Variants in METTL21A observed in about 807,000 individuals in gnomAD.
METTL21A encodes the protein protein N-lysine methyltransferase METTL21A.
Under a neutral mutation model 20.9 loss-of-function variants are expected in METTL21A, and 22 were observed. The observed-to-expected ratio is 1.05, with a 90% CI of 0.75 to 1.50. METTL21A has a LOEUF of 1.50. METTL21A is among the 40% of genes most tolerant of loss of function. METTL21A has a pLI of 0.00. For missense variants in METTL21A, 271 were observed against 266.8 expected, an observed-to-expected ratio of 1.02 and a Z score of -0.11; for synonymous variants, 93 against 102.0, an observed-to-expected ratio of 0.91 and a Z score of 0.53.
chr2:207,619,586 C>T (rs1000512868), intron 3 of METTL21A, among the ~76,000 whole-genome samples: 9 of 151,846 alleles, frequency 5.9e-5, no homozygotes, highest in South Asian at 2.1e-4. Context: ...TGTGTGTATA[C>T]GGATACACAA....
At position 207,593,827 on chromosome 2, in the gene METTL21A, T is replaced by G. The variant is rs555598715; in HGVS notation, c.260-11667A>C. Among the ~76,000 whole-genome samples the G allele has an allele frequency of 2.6e-5, 4 of 151,938 alleles. No individual in the cohort carries two copies. The East Asian group carries it at 5.8e-4, about 22-fold the overall frequency. On this transcript the variant is annotated intron_variant, in intron 3 of 3. Transcript: ENST00000425132. Reference sequence around the variant, plus strand: ...TCTGCCTCCTGGGTTCAAGCGATTTTCCTACCTCAGCCTCCCAAGTAGCTG... The same window carrying G: ...TCTGCCTCCTGGGTTCAAGCGATTTGCCTACCTCAGCCTCCCAAGTAGCTG...
chr2:207,602,698 A>G (rs1327240340), intron 3 of METTL21A: 2 of 210,456 alleles, frequency 9.5e-6, no homozygotes, highest in East Asian at 1.4e-4. Flanking sequence ...AATGCTTTAT[A>G]GATGTATTTT....
At chr2:207,607,424 G>A (rs915233484), downstream of METTL21A, among the ~76,000 whole-genome samples, 3 of 150,616 alleles carry the variant, frequency 2.0e-5, no homozygotes, top group Non-Finnish European at 3.0e-5. Flanking sequence ...GAAAGAAAAC[G>A]ATATATGGAT....
At chr2:207,585,126 C>T (rs574055784) in intron 3 of METTL21A, among the ~76,000 whole-genome samples, 3 of 152,264 alleles carry the variant, frequency 2.0e-5, no homozygotes, top group Non-Finnish European at 2.9e-5. Flanking sequence ...AAGGCCAGCT[C>T]GCTCTCACTA....
At chr2:207,584,291 C>T (rs1243456084) in intron 3 of METTL21A, among the ~76,000 whole-genome samples, 1 of 152,168 alleles carries the variant, frequency 6.6e-6, no homozygotes, top group Non-Finnish European at 1.5e-5. Flanking sequence ...TATGAGAGTT[C>T]AGTTGCTTTG....
exon 3 of METTL21A, chr2:207,621,815 C>T: frequency 6.2e-7 from 1 of 1,614,076 alleles, no homozygotes; most frequent in Non-Finnish European, 8.5e-7. Flanking sequence ...CCCAGCAGGG[C>T]AGCCACTATG....
downstream of METTL21A, chr2:207,610,805 C>T (rs1195257163): frequency 1.3e-4 from 4 of 30,924 alleles, no homozygotes; most frequent in African/African-American, 5.2e-4. Context: ...GGGATCAGCC[C>T]CCCGCCTGGC....
At chr2:207,582,823 G>T (rs1017970233) in intron 3 of METTL21A, 1 of 328,140 alleles carries the variant, frequency 3.0e-6, no homozygotes, top group Non-Finnish European at 6.2e-6. Context: ...AACCTGGGAG[G>T]TGGAAGTTGC....
At chr2:207,613,094 A>C in exon 4 of METTL21A, 1 of 1,595,474 alleles carries the variant, frequency 6.3e-7, no homozygotes, top group Non-Finnish European at 8.5e-7. Flanking sequence ...AAATATGTAC[A>C]TCTTTTTCAG....
chr2:207,582,166 A>G, intron 3 of METTL21A: 1 of 702,930 alleles, frequency 1.4e-6, no homozygotes, highest in Non-Finnish European at 2.6e-6. Context: ...ACCTCCTAAA[A>G]GGGAGAATAT....
At chr2:207,588,739 T>G (rs61389549) in intron 3 of METTL21A, among the ~76,000 whole-genome samples, 13,666 of 148,472 alleles carry the variant, frequency 0.092, 687 homozygotes, top group Non-Finnish European at 0.1. Context: ...TTTTTTTTTT[T>G]TTTGTGTGTG....
intron 3 of METTL21A, among the ~76,000 whole-genome samples, chr2:207,591,678 T>C (rs1304625379): frequency 6.6e-6 from 1 of 152,090 alleles, no homozygotes; most frequent in Non-Finnish European, 1.5e-5. Flanking sequence ...AGTTATCCGC[T>C]CACCTCAGCC....
intron 2 of METTL21A, among the ~76,000 whole-genome samples, chr2:207,623,124 G>A (rs1452832687): frequency 6.6e-6 from 1 of 152,016 alleles, no homozygotes; most frequent in Non-Finnish European, 1.5e-5. Flanking sequence ...GGCTGGTTTC[G>A]AACTCTTGAC....
chr2:207,581,750 A>G (rs1213402464), exon 4 of METTL21A: 3 of 666,522 alleles, frequency 4.5e-6, no homozygotes, highest in Non-Finnish European at 5.4e-6. Flanking sequence ...GTATAATACC[A>G]TTAACTGAAT....
chr2:207,593,946 T>C (rs1355136479), intron 3 of METTL21A, among the ~76,000 whole-genome samples: 1 of 152,156 alleles, frequency 6.6e-6, no homozygotes, highest in African/African-American at 2.4e-5. Context: ...CTCAAACTCC[T>C]GGCCTCAAGT....
At chr2:207,613,640 CTT>C (rs1459177802) in intron 3 of METTL21A, among the ~76,000 whole-genome samples, 197 bp from the exon 4 acceptor site, 2 of 152,194 alleles carry the variant, frequency 1.3e-5, no homozygotes, top group Non-Finnish European at 2.9e-5. Context: ...AGAAGTGACT[CTT>C]GATTTGCCTC....
chr2:207,592,780 A>T (rs932955258), intron 3 of METTL21A, among the ~76,000 whole-genome samples: 1 of 151,996 alleles, frequency 6.6e-6, no homozygotes, highest in African/African-American at 2.4e-5. Context: ...TTAGCTGGCC[A>T]TGGTGGCGCA....
chr2:207,597,941 G>A (rs1311475498), intron 3 of METTL21A: 3 of 184,796 alleles, frequency 1.6e-5, no homozygotes, highest in African/African-American at 2.3e-5. Flanking sequence ...AAATGTTATT[G>A]TCCTCACCTT....
At chr2:207,615,834 A>G (rs1008287250) in intron 3 of METTL21A, 4 of 152,172 alleles carry the variant, frequency 2.6e-5, no homozygotes, top group Admixed American at 2.0e-4. Context: ...ATAAACACAT[A>G]TAGATTGGCT....
Sources: allele counts gnomAD v4.1 joint callset (sites outside exome capture counted in the v4.1 genomes callset), GRCh38; gene constraint gnomAD v4.1.1; transcripts MANE v1.5; gene names NCBI Gene and HGNC (gene_info 2026-07-23, HGNC 2026-07-21).